The following UMODL1 variants were observed in gnomAD, a reference collection of about 807,000 sequenced individuals.
UMODL1 encodes uromodulin like 1.
UMODL1 carries 128 observed loss-of-function variants against 136.3 expected under a neutral mutation model. The ratio of observed to expected loss-of-function variants is 0.94; its 90% confidence interval spans 0.81 to 1.09. UMODL1 has a LOEUF of 1.09. Ranked by LOEUF, UMODL1 falls within the 50% of genes least tolerant of loss-of-function variation. The pLI is 0.00. For synonymous variants in UMODL1, 721 were observed against 720.0 expected (o/e 1.00, Z -0.02); for missense variants, 1,766 against 1,725.6 (o/e 1.02, Z -0.41).
chr21:42,137,489 A>G lies in UMODL1; in HGVS notation c.3826A>G (p.Ile1276Val). The G allele has an allele frequency of 6.2e-7, 1 of 1,614,190 alleles. No homozygotes were observed. The change falls in exon 22 of 23, where the codon ATT becomes GTT. Residue 1276 changes from isoleucine to valine, a missense_variant. Coordinates refer to ENST00000408910, the MANE Select transcript of UMODL1 (RefSeq NM_001004416.3). ...AGLGAGYVVL[I>V]VVAIFVLVAG... The stretch of plus-strand genomic sequence containing the variant: ...CCTGGGTGCCGGTTATGTGGTCCTT[A>G]TTGTGGTGGCCATCTTCGTGCTGGT...
chr21:42,084,604 C>T (rs1488767680), intron 3 of UMODL1, among the ~76,000 whole-genome samples: 4 of 152,048 alleles, frequency 2.6e-5, no homozygotes, highest in East Asian at 1.9e-4. Context: ...GCCTGACGAG[C>T]GCCACAGCAC....
intron 6 of UMODL1, among the ~76,000 whole-genome samples, chr21:42,097,196 A>T (rs1437542802): frequency 6.6e-6 from 1 of 152,246 alleles, no homozygotes; most frequent in Non-Finnish European, 1.5e-5. Context: ...TGTGTCTTTT[A>T]AAAAACTACA....
intron 20 of UMODL1, 72 bp downstream of exon 20, chr21:42,127,903 T>G: frequency 6.3e-7 from 1 of 1,599,578 alleles, no homozygotes; most frequent in East Asian, 2.2e-5. Context: ...GAGGCTCTGT[T>G]AATAAAAACC....
chr21:42,076,416 C>G (rs190686523), intron 2 of UMODL1, among the ~76,000 whole-genome samples, 169 bp downstream of exon 2: 4 of 152,360 alleles, frequency 2.6e-5, no homozygotes, highest in Admixed American at 2.0e-4. Context: ...CCTGGCCCCA[C>G]TCCTAGGTTT....
intron 15 of UMODL1, 170 bp from the exon 16 acceptor site, chr21:42,120,917 C>T (rs2066961498): frequency 1.3e-6 from 1 of 757,714 alleles, no homozygotes; most frequent in Admixed American, 3.3e-5. Context: ...TTCCCAGCCC[C>T]AGCTTCAGGA....
rs2066284113 is a variant in UMODL1, at chr21:42,075,864, T to C, written c.77-141T>C. On this transcript the variant is annotated intron_variant, in intron 1 of 22. Coordinates refer to ENST00000408910, the MANE Select transcript of UMODL1 (RefSeq NM_001004416.3). Reference sequence around the variant, plus strand: ...GCAGGCAAAGGCCAGTGGAGAGGGCTGGTGGGCAGCTTCTGAGAGGCCTGC... The same window carrying C: ...GCAGGCAAAGGCCAGTGGAGAGGGCCGGTGGGCAGCTTCTGAGAGGCCTGC... The C allele has an allele frequency of 2.4e-6, 3 of 1,234,324 alleles. No individual in the cohort carries two copies. In the South Asian group the frequency reaches 4.1e-5, roughly 17 times the overall value. The allele number at this position is 1,234,324 out of a possible 1,614,324, so 76.5% of individuals were successfully genotyped here.
chr21:42,122,546 C>T lies in UMODL1; in HGVS notation c.2828-285C>T, dbSNP rs569346061. 2.0e-4 allele frequency among the ~76,000 whole-genome samples: 30 copies of T among 151,936 alleles called. No homozygotes were observed. Among genetic ancestry groups the T allele is most frequent in the East Asian group, 1.6e-3 (8 of 5,148 alleles). On this transcript the variant is annotated intron_variant, in intron 16 of 22. Coordinates refer to ENST00000408910, the MANE Select transcript of UMODL1 (RefSeq NM_001004416.3). This position sits in a 1 kb window ranked among gnomAD's most constrained non-coding sequence, Gnocchi z 4.3. ...GAAATGTGCAACATGTGCATGTGTGCGTGTGTGTGTGTCTGCACGTGTGTG... is the reference window on the plus strand; with the variant it reads ...GAAATGTGCAACATGTGCATGTGTGTGTGTGTGTGTGTCTGCACGTGTGTG...
chr21:42,088,543 G>A, intron 5 of UMODL1, 63 bp downstream of exon 5: 1 of 1,486,812 alleles, frequency 6.7e-7, no homozygotes, highest in Non-Finnish European at 9.0e-7. Flanking sequence ...CAGCCAAAAT[G>A]CAAGGTGGAC....
In UMODL1 at chr21:42,122,512, G is replaced by C. The variant is rs1177107343; in HGVS notation, c.2828-319G>C. ...GGGCCCATGGTGAGCCTGGATCCCTGAGCTGGTGGAAATGTGCAACATGTG... is the reference window on the plus strand; with the variant it reads ...GGGCCCATGGTGAGCCTGGATCCCTCAGCTGGTGGAAATGTGCAACATGTG... On this transcript the variant is annotated intron_variant, in intron 16 of 22. Transcript: ENST00000408910. This position sits in a 1 kb window ranked among gnomAD's most constrained non-coding sequence, Gnocchi z 4.3. 6.6e-6 allele frequency among the ~76,000 whole-genome samples: 1 copy of C among 152,214 alleles called. No homozygotes were observed.
intron 16 of UMODL1, among the ~76,000 whole-genome samples, chr21:42,121,540 G>A (rs1334209527): frequency 6.6e-6 from 1 of 152,232 alleles, no homozygotes; most frequent in Non-Finnish European, 1.5e-5. Flanking sequence ...ACGTGCAGAT[G>A]CTGAGCGACC....
chr21:42,119,075 C>A, intron 14 of UMODL1, 36 bp from the exon 15 acceptor site: 1 of 1,596,880 alleles, frequency 6.3e-7, no homozygotes. Flanking sequence ...TTCCTCTCAG[C>A]GTGGGGACCT....
chr21:42,118,629 A>C (rs1285754294), intron 14 of UMODL1, among the ~76,000 whole-genome samples: 1 of 152,030 alleles, frequency 6.6e-6, no homozygotes, highest in Non-Finnish European at 1.5e-5. Flanking sequence ...GGTAGGGAGG[A>C]AGAATGAAAG....
chr21:42,084,239 C>A lies in UMODL1; in HGVS notation c.475C>A (p.Pro159Thr). 2 of 1,613,188 alleles carry A rather than the reference C, an allele frequency of 1.2e-6. No individual in the cohort carries two copies. Among genetic ancestry groups the A allele is most frequent in the Non-Finnish European group, 1.7e-6 (2 of 1,179,864 alleles). Residue 159 changes from proline (P) to threonine (T), a missense_variant, in exon 3 of 23, where the codon CCC becomes ACC. Transcript: ENST00000408910. Reference protein sequence around the residue: ...SGGRYCMAPAPQAPERDPVGS... With the variant: ...SGGRYCMAPATQAPERDPVGS... The stretch of plus-strand genomic sequence containing the variant: ...GGGGCGCTACTGCATGGCCCCTGCA[C>A]CCCAAGGTAGGCTGCTGCGGGCCAT...
chr21:42,116,768 C>T (rs2066907202), intron 14 of UMODL1, among the ~76,000 whole-genome samples: 1 of 152,154 alleles, frequency 6.6e-6, no homozygotes, highest in African/African-American at 2.4e-5. Flanking sequence ...CAAAAAGAAA[C>T]CTTATACCCA....
rs1376243147 is a variant in UMODL1 at position 42,099,125 on chromosome 21, G to C, written c.1131G>C (p.Lys377Asn). 1 of 1,613,870 alleles carries C rather than the reference G, an allele frequency of 6.2e-7. No individual in the cohort carries two copies. Among genetic ancestry groups the C allele is most frequent in the African/African-American group, 1.3e-5 (1 of 74,916 alleles). ...GLEAGVLYRV[K>N]TSYQGCGADV... Reference sequence around the variant, plus strand: ...AGGCTGGAGTGCTGTACAGGGTGAAGACCAGCTACCAGGGGTGCGGGGCCG... The same window carrying C: ...AGGCTGGAGTGCTGTACAGGGTGAACACCAGCTACCAGGGGTGCGGGGCCG... The change falls in exon 7 of 23, where the codon AAG (lysine) becomes AAC (asparagine). Residue 377 changes from lysine to asparagine, a missense_variant. By Grantham distance (94) the Lys-to-Asn change is moderately conservative. Coordinates refer to ENST00000408910, the MANE Select transcript of UMODL1 (RefSeq NM_001004416.3). The surrounding 1 kb of genome is among the most constrained non-coding windows in gnomAD (Gnocchi z 4.1).
intron 6 of UMODL1, among the ~76,000 whole-genome samples, chr21:42,097,064 C>A (rs2066567269): frequency 6.6e-6 from 1 of 152,142 alleles, no homozygotes; most frequent in South Asian, 2.1e-4. Flanking sequence ...CTTTGGGCCA[C>A]CCTCAGTTGA....
chr21:42,101,352 T>G (rs935879710), intron 7 of UMODL1, among the ~76,000 whole-genome samples: 3 of 152,060 alleles, frequency 2.0e-5, no homozygotes, highest in Non-Finnish European at 1.5e-5. Context: ...AGATGGGAGA[T>G]TCACAGGGGC....
intron 9 of UMODL1, among the ~76,000 whole-genome samples, chr21:42,106,522 G>T (rs142816266): frequency 7.6e-4 from 116 of 152,260 alleles, no homozygotes; most frequent in Non-Finnish European, 1.4e-3. Flanking sequence ...GAGGGGTCAG[G>T]TTGTCGTGAC....
chr21:42,095,089 G>GTTTTTTTTGTTTTTTTTTTT (rs1555922533), intron 6 of UMODL1, among the ~76,000 whole-genome samples: 1 of 61,186 alleles, frequency 1.6e-5, no homozygotes, highest in Admixed American at 2.8e-4. Flanking sequence ...TTCTTCTGCT[G>GTTTTTTTTGTTTTTTTTTTT]TTTTTTTTTT....
Sources: gnomAD v4.1 joint callset for allele counts (sites outside exome capture counted in the v4.1 genomes callset) on GRCh38, gnomAD v4.1.1 for gene constraint, Gnocchi (gnomAD v3.1) non-coding constraint, MANE v1.5 for transcripts, NCBI Gene and HGNC (gene_info 2026-07-23, HGNC 2026-07-21) for gene names.